PAPSS2: variants seen among roughly 807,000 people sequenced by gnomAD.
PAPSS2 encodes the protein bifunctional 3'-phosphoadenosine 5'-phosphosulfate synthase 2.
A neutral mutation model predicts 66.5 loss-of-function variants in PAPSS2; 61 were observed. The ratio of observed to expected loss-of-function variants is 0.92; its 90% CI spans 0.75 to 1.14. PAPSS2 has a LOEUF of 1.14. PAPSS2 is among the 50% of genes most tolerant of loss of function. The pLI is 0.00. For missense variants in PAPSS2, 708 were observed against 789.6 expected, an observed-to-expected ratio of 0.90 and a Z score of 1.24; for synonymous variants, 289 against 287.5, an observed-to-expected ratio of 1.01 and a Z score of -0.05.
At chr10:87,663,774 TG>T in intron 1 of PAPSS2, among the ~76,000 whole-genome samples, 1 of 152,330 alleles carries the variant, frequency 6.6e-6, no homozygotes, top group East Asian at 1.9e-4. Context: ...TCCTAAAAAT[TG>T]TCTTGCTCAG....
In PAPSS2 at chr10:87,746,051, T is replaced by C; in HGVS notation, c.*81T>C. The C allele has an allele frequency of 7.5e-7, 1 of 1,333,310 alleles. No individual in the cohort carries two copies. The highest frequency in any genetic ancestry group is 1.1e-6 in the Non-Finnish European group (1 of 933,404). The allele number at this position is 1,333,310 out of a possible 1,614,324, so 82.6% of individuals were successfully genotyped here. On this transcript the variant is annotated 3_prime_UTR_variant, in exon 13 of 13. Coordinates refer to ENST00000456849, the MANE Select transcript of PAPSS2 (RefSeq NM_001015880.2). ...TATGATTAGATGCTTTGTATTAAAT[T>C]GCTTCTCAATGATGCATTTTAATCT...
At chr10:87,708,672 C>A (rs1048295848) in intron 1 of PAPSS2, among the ~76,000 whole-genome samples, 3 of 152,086 alleles carry the variant, frequency 2.0e-5, no homozygotes, top group Non-Finnish European at 4.4e-5. Context: ...CAAAAATTTT[C>A]CAGTTTGAAT....
At chr10:87,682,575 A>T (rs903395073) in intron 1 of PAPSS2, among the ~76,000 whole-genome samples, 1 of 152,180 alleles carries the variant, frequency 6.6e-6, no homozygotes, top group African/African-American at 2.4e-5. Context: ...GAGAAAAGTT[A>T]TGAAGCATGG....
At chr10:87,680,089 C>T (rs530837838) in intron 1 of PAPSS2, among the ~76,000 whole-genome samples, 1 of 151,564 alleles carries the variant, frequency 6.6e-6, no homozygotes, top group Non-Finnish European at 1.5e-5. Flanking sequence ...CCACTGTCTG[C>T]AAGGACAAGT....
chr10:87,674,086 A>G (rs1439305865), intron 1 of PAPSS2, among the ~76,000 whole-genome samples: 1 of 152,096 alleles, frequency 6.6e-6, no homozygotes, highest in African/African-American at 2.4e-5. Context: ...CAACCCCTTC[A>G]AGACTGATAA....
intron 1 of PAPSS2, among the ~76,000 whole-genome samples, chr10:87,706,736 G>A (rs1001303014): frequency 6.6e-6 from 1 of 152,008 alleles, no homozygotes; most frequent in African/African-American, 2.4e-5. Flanking sequence ...TGCAGTCGGG[G>A]TGACAGAGTA....
intron 1 of PAPSS2, among the ~76,000 whole-genome samples, chr10:87,703,233 A>G (rs3781191): frequency 0.52 from 78,834 of 151,216 alleles, 22,277 homozygotes; most frequent in African/African-American, 0.73. Flanking sequence ...GGTACGTCCC[A>G]GCCGGGCTTT....
intron 1 of PAPSS2, among the ~76,000 whole-genome samples, chr10:87,665,728 A>G (rs1438059864): frequency 6.6e-6 from 1 of 151,814 alleles, no homozygotes; most frequent in Non-Finnish European, 1.5e-5. Flanking sequence ...AGCCCAGCTT[A>G]ACTTGAGGAA....
intron 1 of PAPSS2, among the ~76,000 whole-genome samples, chr10:87,686,852 G>A (rs1198831167): frequency 5.9e-5 from 9 of 152,128 alleles, no homozygotes. Flanking sequence ...GGAACAGTGA[G>A]AAACATCTTC....
Position 87,741,418 on chromosome 10 carries a change from G to T in PAPSS2, c.1222+48G>T, listed in dbSNP as rs566304592. 10 of 1,523,570 alleles carry T rather than the reference G, an allele frequency of 6.6e-6. No homozygotes were observed. In the East Asian group the frequency reaches 2.3e-4, roughly 35 times the overall value. 94.4% of individuals were successfully genotyped at this position (1,523,570 alleles called of 1,614,324 possible). On this transcript the variant is annotated intron_variant, in intron 10 of 12. Transcript: ENST00000456849. ...ATTTTATTTATTTATTTATTGAGATGGTGTCTTGTTCTGTCACCCAGGCTG... is the reference window on the plus strand; with the variant it reads ...ATTTTATTTATTTATTTATTGAGATTGTGTCTTGTTCTGTCACCCAGGCTG...
intron 2 of PAPSS2, among the ~76,000 whole-genome samples, chr10:87,712,221 CTT>C (rs1215938800): frequency 1.3e-5 from 2 of 152,116 alleles, no homozygotes; most frequent in African/African-American, 4.8e-5. Flanking sequence ...GGCTTCCTGT[CTT>C]TATGTTTTGA....
At chr10:87,712,812 T>G (rs1320763513) in intron 2 of PAPSS2, among the ~76,000 whole-genome samples, 1 of 152,036 alleles carries the variant, frequency 6.6e-6, no homozygotes, top group Non-Finnish European at 1.5e-5. Context: ...ACAGAACACA[T>G]CGAGGACCAC....
intron 12 of PAPSS2, 109 bp from the exon 13 acceptor site, chr10:87,745,722 CA>C (rs1427481323): frequency 9.2e-7 from 1 of 1,085,984 alleles, no homozygotes; most frequent in African/African-American, 1.5e-5. Context: ...TTTGAAGATG[CA>C]GCATTTTACA....
chr10:87,730,327 G>A (rs1564726304), intron 9 of PAPSS2, among the ~76,000 whole-genome samples: 3 of 152,094 alleles, frequency 2.0e-5, no homozygotes, highest in Admixed American at 2.0e-4. Flanking sequence ...AAAAAATGAA[G>A]GCTCAGAGGA....
chr10:87,687,704 G>A (rs926395606), intron 1 of PAPSS2, among the ~76,000 whole-genome samples: 2 of 152,168 alleles, frequency 1.3e-5, no homozygotes, highest in Non-Finnish European at 2.9e-5. Flanking sequence ...GAAATGATAA[G>A]TGTTTGAGGT....
intron 8 of PAPSS2, among the ~76,000 whole-genome samples, chr10:87,725,040 T>C (rs1478278998): frequency 6.6e-6 from 1 of 152,064 alleles, no homozygotes; most frequent in East Asian, 1.9e-4. Context: ...AAGAGTCTTT[T>C]GTCTAATTAG....
intron 8 of PAPSS2, among the ~76,000 whole-genome samples, chr10:87,725,443 C>T (rs2131719449): frequency 6.6e-6 from 1 of 152,268 alleles, no homozygotes; most frequent in African/African-American, 2.4e-5. Context: ...GTGAGAGGAG[C>T]TCACACTCCA....
At chr10:87,739,818 C>A (rs1025017021) in intron 9 of PAPSS2, among the ~76,000 whole-genome samples, 2 of 152,194 alleles carry the variant, frequency 1.3e-5, no homozygotes, top group African/African-American at 4.8e-5. Context: ...GCAGTAAAAG[C>A]AATGCTAGCT....
intron 9 of PAPSS2, among the ~76,000 whole-genome samples, chr10:87,728,681 A>G (rs893288463): frequency 1.3e-5 from 2 of 152,048 alleles, no homozygotes; most frequent in Non-Finnish European, 2.9e-5. Flanking sequence ...CAGCGGTTGC[A>G]GTGAGCCAAG....
Sources: gnomAD v4.1 joint callset for allele counts (sites outside exome capture counted in the v4.1 genomes callset) on GRCh38, gnomAD v4.1.1 for gene constraint, MANE v1.5 for transcripts, NCBI Gene and HGNC (gene_info 2026-07-23, HGNC 2026-07-21) for gene names.